The following INPP5K variants were observed in gnomAD, a reference collection of about 807,000 sequenced individuals.
The protein encoded by INPP5K is inositol polyphosphate 5-phosphatase K.
Under a neutral mutation model 53.5 loss-of-function variants are expected in INPP5K, and 35 were observed. The observed-to-expected ratio is 0.65, with a 90% CI of 0.50 to 0.87. INPP5K has a LOEUF of 0.87. Among genes scored for constraint, INPP5K ranks in the 40% least tolerant of loss-of-function variants. INPP5K has a pLI of 0.00. For synonymous variants in INPP5K, 253 were observed against 232.8 expected (o/e 1.09, Z -0.79); for missense variants, 550 against 586.2 (o/e 0.94, Z 0.64).
chr17:1,502,148 G>C (rs987963714), intron 7 of INPP5K, among the ~76,000 whole-genome samples: 1 of 151,718 alleles, frequency 6.6e-6, no homozygotes, highest in African/African-American at 2.4e-5. Context: ...AGGACATGGA[G>C]ACCATCCTGG....
At chr17:1,508,535 A>G (rs553176611) in intron 5 of INPP5K, 10 of 385,642 alleles carry the variant, frequency 2.6e-5, no homozygotes, top group African/African-American at 1.5e-4. Flanking sequence ...AGGAGCCACA[A>G]GGTCCTTGAC....
chr17:1,496,034 C>T (rs761312018), intron 11 of INPP5K, 26 bp downstream of exon 11: 1 of 1,526,940 alleles, frequency 6.5e-7, no homozygotes, highest in Non-Finnish European at 9.1e-7. Flanking sequence ...CCTCACCCTT[C>T]CCCTTCCCTC....
intron 7 of INPP5K, among the ~76,000 whole-genome samples, chr17:1,499,837 A>C (rs747918528): frequency 6.6e-6 from 1 of 152,206 alleles, no homozygotes; most frequent in Admixed American, 6.5e-5. Flanking sequence ...CCAGAGTAAT[A>C]AAGCCTAATT....
At chr17:1,503,154 G>A (rs1158174951) in intron 7 of INPP5K, among the ~76,000 whole-genome samples, 1 of 151,142 alleles carries the variant, frequency 6.6e-6, no homozygotes, top group Non-Finnish European at 1.5e-5. Flanking sequence ...CCAAATTGCT[G>A]GGTTTAGAGG....
chr17:1,497,704 C>A, intron 8 of INPP5K: 1 of 482,104 alleles, frequency 2.1e-6, no homozygotes, highest in Non-Finnish European at 3.7e-6. Flanking sequence ...GGGAGAATAC[C>A]CAAAGGAAAT....
intron 1 of INPP5K, chr17:1,515,940 C>A (rs1363675508): frequency 1.0e-6 from 1 of 987,818 alleles, no homozygotes; most frequent in African/African-American, 1.7e-5. Flanking sequence ...CTCTCAAATC[C>A]GACGATTAGC....
At position 1,513,998 on chromosome 17, in the gene INPP5K, G is replaced by A; in HGVS notation, c.45-19C>T. ...GTGTATGCTGCGGAAGGGATGCAGA[G>A]GGAAGTCATGGAGGAAGGAGGATAA... is the stretch of plus-strand genomic sequence containing the variant. On this transcript the variant is annotated intron_variant, in intron 1 of 11. Transcript: ENST00000421807. 16 of 1,560,260 alleles carry A rather than the reference G, an allele frequency of 1.0e-5. No homozygotes were observed. The highest frequency in any genetic ancestry group is 1.4e-5 in the Non-Finnish European group (16 of 1,135,090).
Position 1,513,575 on chromosome 17 carries a change from C to T in INPP5K, c.153-14G>A, listed in dbSNP as rs1357189514. On this transcript the variant is annotated splice_polypyrimidine_tract_variant and intron_variant, in intron 2 of 11. Transcript: ENST00000421807. ...AATTCCTGCAAACTGACCATGCCAG[C>T]TCAGAGGCTTGGCCCCTGGCCTCCA... The T allele has an allele frequency of 6.2e-7, 1 of 1,608,412 alleles. No individual in the cohort carries two copies. The highest frequency in any genetic ancestry group is 2.2e-5 in the East Asian group (1 of 44,868).
At chr17:1,509,003 G>A in intron 5 of INPP5K, 175 bp downstream of exon 5, 1 of 584,184 alleles carries the variant, frequency 1.7e-6, no homozygotes, top group Non-Finnish European at 3.0e-6. Context: ...GCTCACTCGT[G>A]GCGGTCAGCG....
At chr17:1,511,536 A>G (rs1324622257) in intron 3 of INPP5K, among the ~76,000 whole-genome samples, 3 of 152,178 alleles carry the variant, frequency 2.0e-5, no homozygotes, top group Non-Finnish European at 4.4e-5. Context: ...GAGCCCTGGC[A>G]TAGCGGAGTC....
chr17:1,507,319 T>C, intron 6 of INPP5K: 1 of 547,230 alleles, frequency 1.8e-6, no homozygotes, highest in South Asian at 2.3e-5. Context: ...TGTCTGCCGT[T>C]TCCCAGTCCT....
chr17:1,496,423 A>G (rs1338338707), intron 9 of INPP5K, 21 bp from the exon 10 acceptor site: 3 of 1,546,454 alleles, frequency 1.9e-6, no homozygotes, highest in Non-Finnish European at 2.6e-6. Context: ...GAGTCAGGCC[A>G]TCAGTGGTCA....
rs1488030398 is a variant in INPP5K at position 1,497,777 on chromosome 17, A to G, written c.963+159T>C. On this transcript the variant is annotated intron_variant, in intron 8 of 11. Coordinates refer to ENST00000421807, the MANE Select transcript of INPP5K (RefSeq NM_016532.4). ...CAGACAGAGCCATCAACGGCTCCTAAGAGGAGCTGGGATATCCGACCTGGC... is the reference window on the plus strand; with the variant it reads ...CAGACAGAGCCATCAACGGCTCCTAGGAGGAGCTGGGATATCCGACCTGGC... 5 of 650,386 alleles carry G rather than the reference A, an allele frequency of 7.7e-6. No homozygotes were observed. In the African/African-American group the frequency reaches 9.0e-5, roughly 12 times the overall value. The allele number at this position is 650,386 out of a possible 1,614,324, so 40.3% of individuals were successfully genotyped here.
rs1045789437 is a variant in INPP5K, at chr17:1,503,994, G to A, written c.776+2986C>T. On this transcript the variant is annotated intron_variant, in intron 7 of 11. Transcript: ENST00000421807. ...GAAAGCCCGCCTTTCTGCTTTCTGC[G>A]AAACTCTGTGCCTCCTTCAAGATAC... is the stretch of plus-strand genomic sequence containing the variant. 2.0e-5 allele frequency among the ~76,000 whole-genome samples: 3 copies of A among 152,182 alleles called. No individual in the cohort carries two copies. In the East Asian group the frequency reaches 5.8e-4, roughly 29 times the overall value.
In INPP5K at chr17:1,506,377, C is replaced by T. The variant is rs184716755; in HGVS notation, c.776+603G>A. Among the ~76,000 whole-genome samples the T allele has an allele frequency of 1.0e-3, 153 of 152,290 alleles. 1 individual carries two copies. The highest frequency in any genetic ancestry group is 1.4e-3 in the Non-Finnish European group (94 of 68,022). ...GTTCTCTCCCATGGTTACTGGGTGA[C>T]GGCCTCCTTCAGTCCTCAGCCTCAT... is the stretch of plus-strand genomic sequence containing the variant. On this transcript the variant is annotated intron_variant, in intron 7 of 11. Transcript: ENST00000421807.
intron 1 of INPP5K, 138 bp downstream of exon 1, chr17:1,516,318 C>A: frequency 9.5e-7 from 1 of 1,048,704 alleles, no homozygotes. Context: ...CCACCTGACA[C>A]AGGCGTGGGA....
chr17:1,514,235 A>T (rs1422583517), intron 1 of INPP5K, among the ~76,000 whole-genome samples: 1 of 151,734 alleles, frequency 6.6e-6, no homozygotes, highest in Non-Finnish European at 1.5e-5. Context: ...AGGCAGGAGA[A>T]TTGCTTGAAC....
At chr17:1,505,691 T>C (rs965424206) in intron 7 of INPP5K, among the ~76,000 whole-genome samples, 1 of 152,216 alleles carries the variant, frequency 6.6e-6, no homozygotes, top group African/African-American at 2.4e-5. Flanking sequence ...AGAACCAAGC[T>C]TGAGTTCTAC....
intron 7 of INPP5K, among the ~76,000 whole-genome samples, chr17:1,504,924 C>G (rs372615712): frequency 1.2e-4 from 18 of 152,304 alleles, no homozygotes; most frequent in Admixed American, 8.5e-4. Flanking sequence ...CAGTCTCAGC[C>G]CCAGCTCTGC....
Sources: allele counts gnomAD v4.1 joint callset (sites outside exome capture counted in the v4.1 genomes callset), GRCh38; gene constraint gnomAD v4.1.1; transcripts MANE v1.5; gene names NCBI Gene and HGNC (gene_info 2026-07-23, HGNC 2026-07-21).